Variants in TRDN observed in about 807,000 individuals in gnomAD.
The protein encoded by TRDN is triadin in skeletal muscle.
TRDN carries 161 observed loss-of-function variants against 149.7 expected under a neutral mutation model. The ratio of observed to expected loss-of-function variants is 1.08; its 90% CI spans 0.95 to 1.23. The LOEUF is 1.23. TRDN is among the 50% of genes most tolerant of loss of function. The pLI is 0.00. For synonymous variants in TRDN, 294 were observed against 250.5 expected (o/e 1.17, Z -1.64); for missense variants, 896 against 823.5 (o/e 1.09, Z -1.08).
At chr6:123,391,102 A>G (rs1487834813) in intron 13 of TRDN, among the ~76,000 whole-genome samples, 1 of 151,854 alleles carries the variant, frequency 6.6e-6, no homozygotes, top group Non-Finnish European at 1.5e-5. Context: ...TTCCTTTCCA[A>G]TTTGGGTCTA....
chr6:123,519,562 C>G (rs1261936609), intron 5 of TRDN, among the ~76,000 whole-genome samples: 1 of 149,420 alleles, frequency 6.7e-6, no homozygotes, highest in African/African-American at 2.5e-5. Flanking sequence ...CTTAATCGTC[C>G]TGTTCTTAGG....
chr6:123,425,767 T>C (rs917102789), intron 12 of TRDN, among the ~76,000 whole-genome samples: 2 of 152,078 alleles, frequency 1.3e-5, no homozygotes, highest in African/African-American at 4.8e-5. Context: ...AAGGAGAATG[T>C]AGACAATGCT....
At chr6:123,634,103 G>A (rs1379248726) in intron 1 of TRDN, among the ~76,000 whole-genome samples, 1 of 151,958 alleles carries the variant, frequency 6.6e-6, no homozygotes, top group Non-Finnish European at 1.5e-5. Context: ...TAGGTCTACT[G>A]ATAGAGTGCT....
chr6:123,489,128 C>T (rs1244097606), intron 9 of TRDN, among the ~76,000 whole-genome samples: 1 of 152,046 alleles, frequency 6.6e-6, no homozygotes, highest in Non-Finnish European at 1.5e-5. Flanking sequence ...ATCTCAAGGT[C>T]TATTTCAATT....
At chr6:123,388,684 A>G (rs972391716) in intron 13 of TRDN, 133 bp from the exon 14 acceptor site, 1 of 933,606 alleles carries the variant, frequency 1.1e-6, no homozygotes, top group Non-Finnish European at 1.6e-6. Flanking sequence ...ATCCAAATCT[A>G]TGATAGGAGT....
At chr6:123,621,070 A>G (rs1346387298) in intron 1 of TRDN, among the ~76,000 whole-genome samples, 1 of 152,104 alleles carries the variant, frequency 6.6e-6, no homozygotes, top group Non-Finnish European at 1.5e-5. Context: ...TCCAAGTAAA[A>G]TGCTTGGCAA....
intron 12 of TRDN, among the ~76,000 whole-genome samples, chr6:123,395,149 A>G (rs1772669332): frequency 6.6e-6 from 1 of 152,224 alleles, no homozygotes; most frequent in Non-Finnish European, 1.5e-5. Context: ...ATCAGTATGT[A>G]AAGTACCTTA....
chr6:123,351,268 C>A (rs1373046866), intron 21 of TRDN: 1 of 964,066 alleles, frequency 1.0e-6, no homozygotes, highest in Admixed American at 6.2e-5. Context: ...ATTTTCATAT[C>A]CTTTCACATA....
At chr6:123,434,257 C>T (rs182413724) in intron 12 of TRDN, among the ~76,000 whole-genome samples, 4 of 152,264 alleles carry the variant, frequency 2.6e-5, no homozygotes, top group South Asian at 4.1e-4. Flanking sequence ...TTTCAACTTC[C>T]ATTTCACTCC....
In TRDN at chr6:123,590,491, G is replaced by A. The variant is rs377112123; in HGVS notation, c.23-19359C>T. ...AATAATAATAGAAACAGGGCCAGTC[G>A]CTGTGGCTCACACCTGTAATCCCAG... On this transcript the variant is annotated intron_variant, in intron 1 of 40. Transcript: ENST00000334268. Among the ~76,000 whole-genome samples the A allele has an allele frequency of 2.8e-4, 43 of 152,112 alleles. 1 individual carries two copies. The highest frequency in any genetic ancestry group is 3.4e-3 in the Middle Eastern group (1 of 294).
intron 21 of TRDN, among the ~76,000 whole-genome samples, chr6:123,343,229 C>T (rs1373962793): frequency 6.6e-6 from 1 of 152,008 alleles, no homozygotes; most frequent in Non-Finnish European, 1.5e-5. Flanking sequence ...TAATCTCACA[C>T]ACATATATTA....
At chr6:123,537,525 C>T (rs923842405) in intron 4 of TRDN, among the ~76,000 whole-genome samples, 3 of 152,172 alleles carry the variant, frequency 2.0e-5, no homozygotes, top group Admixed American at 1.3e-4. Flanking sequence ...ATCTCTAAAA[C>T]TTCACCAAAC....
chr6:123,488,764 C>A (rs1297590860), intron 9 of TRDN: 1 of 147,686 alleles, frequency 6.8e-6, no homozygotes, highest in Non-Finnish European at 1.5e-5. Context: ...ACCTCATTTG[C>A]AATTCCCTAT....
chr6:123,570,457 GTT>G (rs1027950830), intron 2 of TRDN, among the ~76,000 whole-genome samples: 5 of 152,180 alleles, frequency 3.3e-5, no homozygotes, highest in African/African-American at 1.2e-4. Context: ...GAAGCAAAGA[GTT>G]TGTCTGGCAA....
intron 9 of TRDN, among the ~76,000 whole-genome samples, chr6:123,477,671 CAAT>C (rs1328602203): frequency 6.6e-6 from 1 of 151,970 alleles, no homozygotes; most frequent in African/African-American, 2.4e-5. Context: ...AAATGTCCAA[CAAT>C]GATAGACTGG....
intron 40 of TRDN, among the ~76,000 whole-genome samples, chr6:123,220,210 A>G (rs959805566): frequency 1.3e-5 from 2 of 151,850 alleles, no homozygotes; most frequent in Non-Finnish European, 2.9e-5. Flanking sequence ...CTCACATGTA[A>G]TTGTAAGAGT....
chr6:123,355,247 G>A (rs1246462680), intron 20 of TRDN, among the ~76,000 whole-genome samples: 2 of 150,824 alleles, frequency 1.3e-5, no homozygotes, highest in African/African-American at 4.9e-5. Flanking sequence ...TTTCTCTCTG[G>A]TTTACGTTAA....
intron 33 of TRDN, among the ~76,000 whole-genome samples, chr6:123,263,931 G>A (rs1776853457): frequency 6.6e-6 from 1 of 151,994 alleles, no homozygotes; most frequent in Non-Finnish European, 1.5e-5. Flanking sequence ...ACTGTTTTAA[G>A]CCCACTGTTG....
chr6:123,309,296 G>A (rs1000986025), intron 24 of TRDN, among the ~76,000 whole-genome samples: 2 of 151,712 alleles, frequency 1.3e-5, no homozygotes, highest in Non-Finnish European at 2.9e-5. Flanking sequence ...GTGACTCCTG[G>A]AATGTCCTTA....
Sources: allele counts gnomAD v4.1 joint callset (sites outside exome capture counted in the v4.1 genomes callset), GRCh38; gene constraint gnomAD v4.1.1; transcripts MANE v1.5; gene names NCBI Gene and HGNC (gene_info 2026-07-23, HGNC 2026-07-21).